The following DRC7 variants were observed in gnomAD, a reference collection of about 807,000 sequenced individuals.
DRC7 encodes the protein dynein regulatory complex subunit 7.
In DRC7, 80 loss-of-function variants were observed where a neutral mutation model predicts 104.4. The ratio of observed to expected loss-of-function variants is 0.77; its 90% confidence interval spans 0.64 to 0.92. The LOEUF is 0.92. DRC7 is among the 40% of genes least tolerant of loss of function. The pLI is 0.00. For missense variants in DRC7, 1,034 were observed against 1,141.1 expected, an observed-to-expected ratio of 0.91 and a Z score of 1.35; for synonymous variants, 405 against 447.3, an observed-to-expected ratio of 0.91 and a Z score of 1.19.
At chr16:57,718,215 G>C in intron 8 of DRC7, 132 bp from the exon 9 acceptor site, 1 of 1,183,450 alleles carries the variant, frequency 8.4e-7, no homozygotes, top group Non-Finnish European at 1.2e-6. Context: ...TGGGACTGAC[G>C]TTCTGCTTCC....
intron 6 of DRC7, among the ~76,000 whole-genome samples, chr16:57,703,029 G>A (rs879777333): frequency 6.6e-6 from 1 of 151,474 alleles, no homozygotes; most frequent in Non-Finnish European, 1.5e-5. Context: ...GACTACAGGC[G>A]AGTACCACCA....
At chr16:57,724,952 G>A in intron 13 of DRC7, 117 bp downstream of exon 13, 1 of 714,554 alleles carries the variant, frequency 1.4e-6, no homozygotes. Flanking sequence ...CATATCCAAG[G>A]GCACCAATGA....
chr16:57,707,497 T>C lies in DRC7; in HGVS notation c.896T>C (p.Leu299Pro), dbSNP rs752539289. ...GCAAAGCCGGATGCCCTGCACGGCC[T>C]GCGGGTGCACTCCTGGGTCCTTGTG... ...EKAKPDALHGLRVHSWVLVLS... is the reference protein window; with the variant it reads ...EKAKPDALHGPRVHSWVLVLS... Residue 299 changes from leucine to proline, a missense_variant, in exon 8 of 19, where the codon CTG (leucine) becomes CCG (proline). Transcript: ENST00000360716. The C allele has an allele frequency of 1.2e-6, 2 of 1,613,210 alleles. No individual in the cohort carries two copies. The highest frequency in any genetic ancestry group is 1.3e-5 in the African/African-American group (1 of 74,928).
chr16:57,717,832 T>G (rs1415961435), intron 8 of DRC7, among the ~76,000 whole-genome samples: 1 of 152,140 alleles, frequency 6.6e-6, no homozygotes, highest in Admixed American at 6.6e-5. Context: ...TGAGCCACCA[T>G]GCCCGGCTCT....
At chr16:57,696,863 G>A (rs1352375484) in intron 2 of DRC7, among the ~76,000 whole-genome samples, 1 of 152,132 alleles carries the variant, frequency 6.6e-6, no homozygotes. Context: ...TTTTTGGGTG[G>A]GTTGTAGATC....
At position 57,726,786 on chromosome 16, in the gene DRC7, C is replaced by T. The variant is rs200847422; in HGVS notation, c.1975-46C>T. The T allele has an allele frequency of 2.6e-4, 344 of 1,304,532 alleles. No homozygotes were observed. In the African/African-American group the frequency reaches 4.0e-3, roughly 15 times the overall value. The allele number at this position is 1,304,532 out of a possible 1,614,324, so 80.8% of individuals were successfully genotyped here. A position where few individuals can be genotyped will look rare whatever the true frequency, so the allele number is the denominator to read the frequency against. The stretch of plus-strand genomic sequence containing the variant: ...TTTGAACCCAGGTGGTCCTATGCCC[C>T]GATCATGGCAGCCTCTCTGTGTTAC... On this transcript the variant is annotated intron_variant, in intron 14 of 18. Coordinates refer to ENST00000360716, the MANE Select transcript of DRC7 (RefSeq NM_001289162.2).
rs1459530263 is a variant in DRC7, at chr16:57,698,045, G to A, written c.96G>A (p.Met32Ile). Residue 32 changes from methionine (M) to isoleucine (I), a missense_variant, in exon 3 of 19, where the codon ATG becomes ATA. Physicochemically the swap from Met to Ile is conservative, Grantham distance 10. Transcript: ENST00000360716. ...WAEWARMEKMMRPVEVRKEEI... is the reference protein window; with the variant it reads ...WAEWARMEKMIRPVEVRKEEI... ...AATGGGCGAGGATGGAGAAAATGAT[G>A]AGGCCAGTTGAGGTGCGGAAGGAGG... 2.5e-6 allele frequency: 4 copies of A among 1,614,032 alleles called. No individual in the cohort carries two copies. Among genetic ancestry groups the A allele is most frequent in the African/African-American group, 2.7e-5 (2 of 74,944 alleles).
chr16:57,708,214 C>A (rs2048753703), intron 8 of DRC7, among the ~76,000 whole-genome samples: 1 of 152,212 alleles, frequency 6.6e-6, no homozygotes, highest in South Asian at 2.1e-4. Flanking sequence ...ACTGAACACA[C>A]CTGTGTAGCC....
chr16:57,728,469 C>T lies in DRC7; in HGVS notation c.2276C>T (p.Pro759Leu), dbSNP rs370372909. Residue 759 changes from proline (P) to leucine (L), a missense_variant, in exon 17 of 19, where the codon CCG (proline) becomes CTG (leucine). By Grantham distance (98) the Pro-to-Leu change is moderately conservative (BLOSUM62 -3). Coordinates refer to ENST00000360716, the MANE Select transcript of DRC7 (RefSeq NM_001289162.2). ...DYLAPFLAQL[P>L]PGEKLTCWQA... ...CTGGCCCCATTCCTGGCCCAGCTCC[C>T]GCCAGGAGAGAAACTAACATGCTGG... 1.2e-5 allele frequency: 19 copies of T among 1,612,236 alleles called. No individual in the cohort carries two copies. The highest frequency in any genetic ancestry group is 6.7e-5 in the African/African-American group (5 of 74,908).
In DRC7 at chr16:57,697,785, A is replaced by G. The variant is rs184351477; in HGVS notation, c.-37-128A>G. ...TGTTTGAAAGGAAGTCAAAGAGGGA[A>G]TCACTCCCTATGTGTTCGACACCTC... On this transcript the variant is annotated intron_variant, in intron 2 of 18. Coordinates refer to ENST00000360716, the MANE Select transcript of DRC7 (RefSeq NM_001289162.2). 69 of 982,450 alleles carry G rather than the reference A, an allele frequency of 7.0e-5. No individual in the cohort carries two copies. The African/African-American group carries it at 1.1e-3, about 15-fold the overall frequency. 60.9% of individuals were successfully genotyped at this position (982,450 alleles called of 1,614,324 possible).
At chr16:57,704,583 T>C (rs2048692637) in intron 6 of DRC7, among the ~76,000 whole-genome samples, 1 of 152,198 alleles carries the variant, frequency 6.6e-6, no homozygotes, top group African/African-American at 2.4e-5. Context: ...CCTGAGCTCC[T>C]GGCCCTGACA....
In DRC7 at chr16:57,728,492, T is replaced by C; in HGVS notation, c.2299T>C (p.Trp767Arg). 6.2e-7 allele frequency: 1 copy of C among 1,612,308 alleles called. No homozygotes were observed. The highest frequency in any genetic ancestry group is 8.5e-7 in the Non-Finnish European group (1 of 1,179,770). Residue 767 changes from tryptophan (W) to arginine (R), a missense_variant, in exon 17 of 19, where the codon TGG (tryptophan) becomes CGG (arginine). Transcript: ENST00000360716. ...CCCGCCAGGAGAGAAACTAACATGCTGGCAGGCGGTGCGCCTCAAGGATGA... is the reference window on the plus strand; with the variant it reads ...CCCGCCAGGAGAGAAACTAACATGCCGGCAGGCGGTGCGCCTCAAGGATGA... ...QLPPGEKLTC[W>R]QAVRLKDECL...
intron 12 of DRC7, among the ~76,000 whole-genome samples, chr16:57,723,379 G>A (rs374894880): frequency 1.3e-5 from 2 of 152,164 alleles, no homozygotes; most frequent in African/African-American, 4.8e-5. Context: ...CCACATACCC[G>A]TTCTGTGGTT....
At chr16:57,695,927 T>A (rs1339799208) in intron 1 of DRC7, among the ~76,000 whole-genome samples, 1 of 151,822 alleles carries the variant, frequency 6.6e-6, no homozygotes, top group Non-Finnish European at 1.5e-5. Flanking sequence ...GGGTGTGGAG[T>A]TGGAAATTGG....
Position 57,704,960 on chromosome 16 carries a change from C to A in DRC7, c.784C>A (p.Gln262Lys). ...CCTGTGCAGCAGGTTTGAGCAGGAG[C>A]AAGAGGTGAAGAAGCAGCAGGAGAT... ...RDLCSRFEQEQEVKKQQEIRA... is the reference protein window; with the variant it reads ...RDLCSRFEQEKEVKKQQEIRA... Residue 262 changes from glutamine to lysine, a missense_variant, in exon 7 of 19, where the codon CAA (glutamine) becomes AAA (lysine). Gln to Lys is a moderately conservative substitution (Grantham distance 53, BLOSUM62 1). Transcript: ENST00000360716. 6.2e-7 allele frequency: 1 copy of A among 1,613,742 alleles called. No homozygotes were observed.
At position 57,702,049 on chromosome 16, in the gene DRC7, C is replaced by T. The variant is rs201711363; in HGVS notation, c.618C>T (p.Cys206=). ...MLIGSGYDAY[C]VNGYGSLDLC... The stretch of plus-strand genomic sequence containing the variant: ...TCGGCTCTGGCTATGATGCTTACTG[C>T]GTCAACGGCTACGGCTCGCTGGACC... Residue 206 remains cysteine, a synonymous_variant, in exon 6 of 19, where the codon TGC becomes TGT. Transcript: ENST00000360716. 128 of 1,614,198 alleles carry T rather than the reference C, an allele frequency of 7.9e-5. No homozygotes were observed. Among genetic ancestry groups the T allele is most frequent in the Middle Eastern group, 1.6e-4 (1 of 6,062 alleles).
chr16:57,714,119 C>T (rs147147500), intron 8 of DRC7: 123 of 179,988 alleles, frequency 6.8e-4, no homozygotes, highest in African/African-American at 2.6e-3. Flanking sequence ...TCTGTTGCTA[C>T]CGCCATCACA....
chr16:57,707,261 C>T (rs1217871393), intron 7 of DRC7, among the ~76,000 whole-genome samples, 199 bp from the exon 8 acceptor site: 1 of 152,150 alleles, frequency 6.6e-6, no homozygotes, highest in African/African-American at 2.4e-5. Flanking sequence ...TAGTCAGACT[C>T]TCCCATTGTT....
intron 3 of DRC7, 61 bp downstream of exon 3, chr16:57,698,213 C>T: frequency 6.2e-7 from 1 of 1,607,834 alleles, no homozygotes; most frequent in Non-Finnish European, 8.5e-7. Context: ...CAGGGAGACC[C>T]AGGCAGAGTG....
Sources: gnomAD v4.1 joint callset for allele counts (sites outside exome capture counted in the v4.1 genomes callset) on GRCh38, gnomAD v4.1.1 for gene constraint, MANE v1.5 for transcripts, NCBI Gene and HGNC (gene_info 2026-07-23, HGNC 2026-07-21) for gene names.